The following EZR variants were observed in gnomAD, a reference collection of about 807,000 sequenced individuals.
The protein encoded by EZR is cytovillin 2.
Under a neutral mutation model 74.8 loss-of-function variants are expected in EZR, and 40 were observed. The ratio of observed to expected loss-of-function variants is 0.53; its 90% confidence interval spans 0.42 to 0.70. EZR has a LOEUF of 0.70. Among genes scored for constraint, EZR ranks in the 30% least tolerant of loss-of-function variants. The probability of loss-of-function intolerance (pLI) is 0.00; values close to 1 mark genes in which losing one functional copy is unlikely to be tolerated. For missense variants in EZR, 678 were observed against 755.8 expected, an observed-to-expected ratio of 0.90 and a Z score of 1.21; for synonymous variants, 341 against 283.3, an observed-to-expected ratio of 1.20 and a Z score of -2.05.
At chr6:158,809,368 T>C (rs1014834393) in intron 2 of EZR, among the ~76,000 whole-genome samples, 3 of 152,228 alleles carry the variant, frequency 2.0e-5, no homozygotes, top group Non-Finnish European at 2.9e-5. Flanking sequence ...GCAATTCATT[T>C]ACATAACATT....
At chr6:158,770,076 C>CCA in intron 10 of EZR, 132 bp from the exon 11 acceptor site, 1 of 1,223,150 alleles carries the variant, frequency 8.2e-7, no homozygotes, top group Admixed American at 2.5e-5. Context: ...CTTCCAGTGA[C>CCA]CCTGGAGGAA....
In EZR at chr6:158,783,504, G is replaced by T. The variant is rs573762507; in HGVS notation, c.698+16C>A. On this transcript the variant is annotated intron_variant, in intron 7 of 13. Coordinates refer to ENST00000367075, the MANE Select transcript of EZR (RefSeq NM_001111077.2). ...ACCACCCTACCTACTGAAGATAACT[G>T]TGAACTTCAACTCACTTATCATCTT... 141 of 1,604,632 alleles carry T rather than the reference G, an allele frequency of 8.8e-5. No homozygotes were observed. The highest frequency in any genetic ancestry group is 1.2e-4 in the Non-Finnish European group (138 of 1,173,958).
In EZR at chr6:158,772,572, G is replaced by A. The variant is rs375442345; in HGVS notation, c.796-1165C>T. 9.1e-4 allele frequency among the ~76,000 whole-genome samples: 139 copies of A among 152,348 alleles called. 4 individuals are homozygous for A. The South Asian group carries it at 0.027, about 30-fold the overall frequency. On this transcript the variant is annotated intron_variant, in intron 8 of 13. Transcript: ENST00000367075. ...TCCTGGAAAACAAGGCAGAATCACA[G>A]CCTTCGGGAAACTCGTGACCATGAC...
At chr6:158,815,178 T>C (rs1027789271) in intron 2 of EZR, among the ~76,000 whole-genome samples, 1 of 152,146 alleles carries the variant, frequency 6.6e-6, no homozygotes, top group African/African-American at 2.4e-5. Flanking sequence ...AAAGGACACA[T>C]CCACAGAGCT....
intron 12 of EZR, among the ~76,000 whole-genome samples, chr6:158,768,851 G>T (rs1481997130): frequency 6.6e-6 from 1 of 152,208 alleles, no homozygotes; most frequent in Non-Finnish European, 1.5e-5. Flanking sequence ...ATGAGCAGCA[G>T]AGCCCAGCTC....
At chr6:158,775,078 A>G (rs1583560119) in intron 8 of EZR, among the ~76,000 whole-genome samples, 1 of 121,152 alleles carries the variant, frequency 8.3e-6, no homozygotes, top group South Asian at 2.7e-4. Flanking sequence ...TCTGTCACCC[A>G]GGCTTGAGTG....
intron 7 of EZR, 141 bp from the exon 8 acceptor site, chr6:158,776,645 A>G: frequency 1.6e-6 from 1 of 637,082 alleles, no homozygotes; most frequent in East Asian, 2.9e-5. Context: ...GTTATATGCT[A>G]TTATCAAATA....
chr6:158,797,058 A>C (rs1321863292), intron 2 of EZR, among the ~76,000 whole-genome samples: 1 of 152,212 alleles, frequency 6.6e-6, no homozygotes, highest in East Asian at 1.9e-4. Context: ...ATTTTGGTAA[A>C]TAAATATAGG....
chr6:158,794,577 T>C (rs978995020), intron 2 of EZR, among the ~76,000 whole-genome samples: 1 of 152,054 alleles, frequency 6.6e-6, no homozygotes, highest in African/African-American at 2.4e-5. Context: ...ACCACACATA[T>C]CCAAACTATG....
At chr6:158,815,751 T>TAATC (rs1316072179) in intron 2 of EZR, among the ~76,000 whole-genome samples, 1 of 152,230 alleles carries the variant, frequency 6.6e-6, no homozygotes, top group African/African-American at 2.4e-5. Flanking sequence ...CTCGTGCCTG[T>TAATC]AATCAGGCCA....
intron 8 of EZR, among the ~76,000 whole-genome samples, chr6:158,771,712 A>G (rs928259899): frequency 6.6e-5 from 10 of 152,184 alleles, no homozygotes; most frequent in Admixed American, 3.9e-4. Flanking sequence ...CTGCATGCAC[A>G]CTGAAATGCC....
At chr6:158,777,086 C>T (rs145595578) in intron 7 of EZR, among the ~76,000 whole-genome samples, 9 of 152,352 alleles carry the variant, frequency 5.9e-5, no homozygotes, top group South Asian at 4.1e-4. Context: ...TGAGGCCTCT[C>T]TTAACATACA....
At chr6:158,807,807 G>A (rs1161268265) in intron 2 of EZR, among the ~76,000 whole-genome samples, 1 of 152,152 alleles carries the variant, frequency 6.6e-6, no homozygotes, top group Non-Finnish European at 1.5e-5. Context: ...GGCTGAGGAA[G>A]GCACGGCTCC....
At chr6:158,809,007 C>T (rs1286959915) in intron 2 of EZR, among the ~76,000 whole-genome samples, 12 of 152,122 alleles carry the variant, frequency 7.9e-5, no homozygotes, top group Admixed American at 7.2e-4. Context: ...TGGTAGTGAG[C>T]GCCTGCGGTC....
chr6:158,772,520 C>G (rs1002204997), intron 8 of EZR, among the ~76,000 whole-genome samples: 2 of 152,198 alleles, frequency 1.3e-5, no homozygotes, highest in African/African-American at 4.8e-5. Context: ...ATTGCTAGTG[C>G]CTTGCAAGAC....
At chr6:158,772,956 C>T (rs1791163397) in intron 8 of EZR, among the ~76,000 whole-genome samples, 1 of 152,150 alleles carries the variant, frequency 6.6e-6, no homozygotes, top group African/African-American at 2.4e-5. Context: ...GCCCTGAGAG[C>T]CCATGAACTT....
chr6:158,768,845 G>A (rs1562489015), intron 12 of EZR, among the ~76,000 whole-genome samples: 2 of 152,204 alleles, frequency 1.3e-5, no homozygotes, highest in Admixed American at 1.3e-4. Flanking sequence ...TAGCTGATGA[G>A]CAGCAGAGCC....
chr6:158,771,182 T>TGA (rs1791095795), intron 9 of EZR, 62 bp downstream of exon 9: 1 of 1,550,202 alleles, frequency 6.5e-7, no homozygotes, highest in African/African-American at 1.4e-5. Flanking sequence ...TGACAGGCAC[T>TGA]GGCTGCCAGT....
intron 1 of EZR, among the ~76,000 whole-genome samples, chr6:158,819,028 CTT>C (rs1240712368): frequency 6.6e-6 from 1 of 152,144 alleles, no homozygotes; most frequent in African/African-American, 2.4e-5. Flanking sequence ...TTGAGAAACT[CTT>C]TCAAAAACTG....
Sources: allele counts gnomAD v4.1 joint callset (sites outside exome capture counted in the v4.1 genomes callset), GRCh38; gene constraint gnomAD v4.1.1; transcripts MANE v1.5; gene names NCBI Gene and HGNC (gene_info 2026-07-23, HGNC 2026-07-21).